Variants in NTMT2 observed in about 807,000 individuals in gnomAD.
NTMT2 encodes N-terminal Xaa-Pro-Lys N-methyltransferase 2.
In NTMT2, 21 loss-of-function variants were observed where a neutral mutation model predicts 23.4. The ratio of observed to expected loss-of-function variants is 0.90; its 90% confidence interval spans 0.64 to 1.29. The LOEUF (loss-of-function observed/expected upper bound fraction) is 1.29. Ranked by LOEUF, NTMT2 falls within the 50% of genes most tolerant of loss-of-function variation. The pLI is 0.00. For missense variants in NTMT2, 336 were observed against 352.0 expected, an observed-to-expected ratio of 0.95 and a Z score of 0.36; for synonymous variants, 131 against 127.7, an observed-to-expected ratio of 1.03 and a Z score of -0.17.
At chr1:170,164,121 C>CAAA (rs36025340) in intron 2 of NTMT2, among the ~76,000 whole-genome samples, 1 of 101,958 alleles carries the variant, frequency 9.8e-6, no homozygotes, top group Admixed American at 1.0e-4. Flanking sequence ...GACTCTATCT[C>CAAA]AAAAAAAAAA....
intron 1 of NTMT2, among the ~76,000 whole-genome samples, chr1:170,159,817 G>A (rs1453768958): frequency 1.3e-5 from 2 of 152,130 alleles, no homozygotes; most frequent in Non-Finnish European, 2.9e-5. Context: ...ACACACTTAC[G>A]TGTACTCTCA....
At chr1:170,160,873 T>C (rs1039050828) in intron 2 of NTMT2, among the ~76,000 whole-genome samples, 180 bp downstream of exon 2, 2 of 152,208 alleles carry the variant, frequency 1.3e-5, no homozygotes, top group African/African-American at 4.8e-5. Flanking sequence ...ATGATAAATA[T>C]AATAACACTG....
chr1:170,148,304 A>G (rs1673007325), intron 1 of NTMT2, among the ~76,000 whole-genome samples: 1 of 149,882 alleles, frequency 6.7e-6, no homozygotes, highest in Non-Finnish European at 1.5e-5. Flanking sequence ...CCCCGCTACC[A>G]TGCCCGGCTA....
chr1:170,167,821 C>T lies in NTMT2; in HGVS notation c.*64C>T. ...GCTTTGGGATGGGGTTGCTATCCTT[C>T]CAGGTGCCCCTTGTAATGCAGATAG... On this transcript the variant is annotated 3_prime_UTR_variant, in exon 4 of 4. Coordinates refer to ENST00000439373, the MANE Select transcript of NTMT2 (RefSeq NM_001136107.2). 1 of 1,466,898 alleles carries T rather than the reference C, an allele frequency of 6.8e-7. No homozygotes were observed. The highest frequency in any genetic ancestry group is 9.1e-7 in the Non-Finnish European group (1 of 1,099,182). 90.9% of individuals were successfully genotyped at this position (1,466,898 alleles called of 1,614,324 possible). A position where few individuals can be genotyped will look rare whatever the true frequency, so the allele number is the denominator to read the frequency against.
intron 3 of NTMT2, 84 bp downstream of exon 3, chr1:170,166,835 G>C: frequency 1.4e-6 from 2 of 1,451,190 alleles, no homozygotes; most frequent in Non-Finnish European, 1.9e-6. Flanking sequence ...GGGCACCAGG[G>C]AAGAGTTAGC....
At position 170,146,140 on chromosome 1, in the gene NTMT2, A is replaced by T; in HGVS notation, c.33A>T (p.Arg11Ser). 2 of 1,551,466 alleles carry T rather than the reference A, an allele frequency of 1.3e-6. No individual in the cohort carries two copies. The highest frequency in any genetic ancestry group is 1.2e-5 in the South Asian group (1 of 83,992). MAHRGAHFAF[R>S]SRWQKTDDEL... ...ACCGGGGAGCCCATTTTGCCTTTAG[A>T]TCCCGCTGGCAGAAGACCGACGATG... The change falls in exon 1 of 4, where the codon AGA (arginine) becomes AGT (serine). Residue 11 changes from arginine (R) to serine (S), a missense_variant. By Grantham distance (110) the Arg-to-Ser change is moderately radical (BLOSUM62 -1). Coordinates refer to ENST00000439373, the MANE Select transcript of NTMT2 (RefSeq NM_001136107.2).
chr1:170,166,529 G>C lies in NTMT2; in HGVS notation c.358G>C (p.Ala120Pro). The C allele has an allele frequency of 6.4e-7, 1 of 1,552,308 alleles. No individual in the cohort carries two copies. Among genetic ancestry groups the C allele is most frequent in the Admixed American group, 2.0e-5 (1 of 51,002 alleles). The change falls in exon 3 of 4, where the codon GCC becomes CCC. Residue 120 changes from alanine (A) to proline (P), a missense_variant. Coordinates refer to ENST00000439373, the MANE Select transcript of NTMT2 (RefSeq NM_001136107.2). ...GGPGRAGTDCALDCGSGIGRV... is the reference protein window; with the variant it reads ...GGPGRAGTDCPLDCGSGIGRV... The stretch of plus-strand genomic sequence containing the variant: ...GCCTGGGAGAGCTGGAACAGACTGC[G>C]CCTTGGACTGCGGCTCCGGGATAGG...
chr1:170,153,234 A>C (rs1006007086), intron 1 of NTMT2, among the ~76,000 whole-genome samples: 1 of 152,238 alleles, frequency 6.6e-6, no homozygotes, highest in South Asian at 2.1e-4. Flanking sequence ...TCTTTATAGC[A>C]ATGCAAGAAT....
chr1:170,159,529 C>A (rs1027695893), intron 1 of NTMT2, among the ~76,000 whole-genome samples: 1 of 146,744 alleles, frequency 6.8e-6, no homozygotes, highest in Non-Finnish European at 1.5e-5. Context: ...TTTTGGCCTG[C>A]AAATTCTTTA....
intron 1 of NTMT2, among the ~76,000 whole-genome samples, chr1:170,159,837 C>G (rs531724959): frequency 6.6e-6 from 1 of 152,292 alleles, no homozygotes; most frequent in African/African-American, 2.4e-5. Context: ...ATTTATTCCT[C>G]AGAAGTTGGA....
At chr1:170,149,351 C>G (rs1414351743) in intron 1 of NTMT2, among the ~76,000 whole-genome samples, 1 of 152,176 alleles carries the variant, frequency 6.6e-6, no homozygotes, top group Non-Finnish European at 1.5e-5. Flanking sequence ...GCCAGTGTGA[C>G]TTTTATTCAA....
rs57166192 is a variant in NTMT2, at chr1:170,168,240, CAAAA to C, written c.*494_*497del. Among the ~76,000 whole-genome samples, 152 of 116,826 alleles carry C rather than the reference CAAAA, an allele frequency of 1.3e-3. No homozygotes were observed. Among genetic ancestry groups the C allele is most frequent in the African/African-American group, 4.4e-3 (148 of 33,842 alleles). The allele number at this position is 116,826 out of a possible 152,430, so 76.6% of individuals were successfully genotyped here. On this transcript the variant is annotated 3_prime_UTR_variant, in exon 4 of 4. Coordinates refer to ENST00000439373, the MANE Select transcript of NTMT2 (RefSeq NM_001136107.2). Reference sequence around the variant, plus strand: ...CAGATAAAGCATTTGTCTACTCAAACAAAAAAAAAAAAAAGAAAAAGAAACAATG... The same window carrying C: ...CAGATAAAGCATTTGTCTACTCAAACAAAAAAAAAAGAAAAAGAAACAATG...
intron 1 of NTMT2, among the ~76,000 whole-genome samples, chr1:170,155,939 A>C (rs965512790): frequency 2.6e-5 from 4 of 152,108 alleles, no homozygotes; most frequent in Non-Finnish European, 5.9e-5. Context: ...AGCAAAAGTC[A>C]TCAAATGGTG....
chr1:170,166,187 G>A (rs1176532681), intron 2 of NTMT2, among the ~76,000 whole-genome samples: 3 of 140,172 alleles, frequency 2.1e-5, no homozygotes, highest in East Asian at 2.1e-4. Context: ...TGGCCCAGGC[G>A]GGAGTGCAGT....
chr1:170,152,682 T>C (rs757261468), intron 1 of NTMT2, among the ~76,000 whole-genome samples: 16 of 151,904 alleles, frequency 1.1e-4, no homozygotes, highest in African/African-American at 2.2e-4. Flanking sequence ...ATTTAAACCT[T>C]GGATTTCACC....
chr1:170,159,476 C>T (rs1360317304), intron 1 of NTMT2, among the ~76,000 whole-genome samples: 4 of 125,280 alleles, frequency 3.2e-5, no homozygotes, highest in Admixed American at 9.8e-5. Context: ...CATTTGCCTT[C>T]CTGCTGATTC....
At chr1:170,157,680 G>A (rs1673191231) in intron 1 of NTMT2, among the ~76,000 whole-genome samples, 2 of 152,142 alleles carry the variant, frequency 1.3e-5, no homozygotes, top group African/African-American at 4.8e-5. Context: ...CTTAGTTAAA[G>A]TGAAATAGGT....
rs368738835 is a variant in NTMT2 at position 170,168,331 on chromosome 1, G to A, written c.*574G>A. On this transcript the variant is annotated 3_prime_UTR_variant, in exon 4 of 4. Coordinates refer to ENST00000439373, the MANE Select transcript of NTMT2 (RefSeq NM_001136107.2). ...AGTATTATAGAGTATTCTGGTGGGGGTGGGGGTAGGAGAAAATCTACACTC... is the reference window on the plus strand; with the variant it reads ...AGTATTATAGAGTATTCTGGTGGGGATGGGGGTAGGAGAAAATCTACACTC... Among the ~76,000 whole-genome samples, 2 of 150,002 alleles carry A rather than the reference G, an allele frequency of 1.3e-5. No individual in the cohort carries two copies. The highest frequency in any genetic ancestry group is 3.0e-5 in the Non-Finnish European group (2 of 67,428).
At position 170,146,268 on chromosome 1, in the gene NTMT2, G is replaced by A; in HGVS notation, c.154+7G>A. On this transcript the variant is annotated splice_region_variant and intron_variant, in intron 1 of 3. Transcript: ENST00000439373. ...CTGGAAAAAATTCCCCTGGGTAAGT[G>A]AGTCAGAGCTACTAGATAAGAAACA... 3 of 1,549,238 alleles carry A rather than the reference G, an allele frequency of 1.9e-6. No homozygotes were observed. Among genetic ancestry groups the A allele is most frequent in the Non-Finnish European group, 1.7e-6 (2 of 1,146,234 alleles).
Sources: gnomAD v4.1 joint callset for allele counts (sites outside exome capture counted in the v4.1 genomes callset) on GRCh38, gnomAD v4.1.1 for gene constraint, MANE v1.5 for transcripts, NCBI Gene and HGNC (gene_info 2026-07-23, HGNC 2026-07-21) for gene names.